ATMIN: variants seen among roughly 807,000 people sequenced by gnomAD.
ATMIN encodes ATM INteracting protein.
ATMIN carries 24 observed loss-of-function variants against 49.2 expected under a neutral mutation model. That is an observed-to-expected ratio of 0.49 (90% CI 0.35 to 0.69). ATMIN has a LOEUF of 0.69. Among genes scored for constraint, ATMIN ranks in the 30% least tolerant of loss-of-function variants. The probability of loss-of-function intolerance (pLI) is 0.00; values close to 1 mark genes in which losing one functional copy is unlikely to be tolerated. For missense variants in ATMIN, 1,037 were observed against 1,005.5 expected (o/e 1.03, Z -0.42); for synonymous variants, 450 against 392.5 (o/e 1.15, Z -1.73).
At chr16:81,036,286 C>G in intron 1 of ATMIN, 80 bp downstream of exon 1, 2 of 1,104,600 alleles carry the variant, frequency 1.8e-6, no homozygotes, top group South Asian at 4.1e-5. Flanking sequence ...CGAAGCCGGC[C>G]TCGGGGGGAC....
Position 81,044,345 on chromosome 16 carries a change from C to G in ATMIN, c.1847C>G (p.Thr616Arg). The change falls in exon 4 of 4, where the codon ACA (threonine) becomes AGA (arginine). Residue 616 changes from threonine to arginine, a missense_variant. By Grantham distance (71) the Thr-to-Arg change is moderately conservative. Coordinates refer to ENST00000299575, the MANE Select transcript of ATMIN (RefSeq NM_015251.3). Reference sequence around the variant, plus strand: ...GATCATCGTAGTCTTTTGTCTGACACAAATCCTGGACCTGACACCCAGCTC... The same window carrying G: ...GATCATCGTAGTCTTTTGTCTGACAGAAATCCTGGACCTGACACCCAGCTC... ...TLDHRSLLSD[T>R]NPGPDTQLPS... 6.2e-7 allele frequency: 1 copy of G among 1,614,190 alleles called. No homozygotes were observed. The highest frequency in any genetic ancestry group is 8.5e-7 in the Non-Finnish European group (1 of 1,180,016).
chr16:81,041,575 C>G, intron 2 of ATMIN, 94 bp downstream of exon 2: 2 of 1,479,100 alleles, frequency 1.4e-6, no homozygotes, highest in Non-Finnish European at 1.8e-6. Flanking sequence ...GAGTAGACAG[C>G]TGCTTGTGAG....
intron 1 of ATMIN, among the ~76,000 whole-genome samples, chr16:81,038,532 C>T (rs983942774): frequency 1.2e-4 from 19 of 152,272 alleles, no homozygotes; most frequent in African/African-American, 4.3e-4. Flanking sequence ...TTTCTAACCG[C>T]AGTGCCCAGT....
chr16:81,035,857 G>C lies in ATMIN; in HGVS notation c.-14G>C, dbSNP rs1266061743. On this transcript the variant is annotated 5_prime_UTR_variant, in exon 1 of 4. Coordinates refer to ENST00000299575, the MANE Select transcript of ATMIN (RefSeq NM_015251.3). ...CGGGGCCTACGAACTGGGCCGGGCG[G>C]CCGTGCGGGAGCCATGGCGGCCTCG... 1 of 837,132 alleles carries C rather than the reference G, an allele frequency of 1.2e-6. No homozygotes were observed. The highest frequency in any genetic ancestry group is 1.9e-5 in the African/African-American group (1 of 53,926). 51.9% of individuals were successfully genotyped at this position (837,132 alleles called of 1,614,324 possible).
At chr16:81,040,819 G>A (rs1971024920) in intron 1 of ATMIN, 2 of 155,742 alleles carry the variant, frequency 1.3e-5, no homozygotes, top group Non-Finnish European at 2.9e-5. Context: ...GAGTGAAAAA[G>A]AGACTGAAGG....
At position 81,043,985 on chromosome 16, in the gene ATMIN, G is replaced by A. The variant is rs1971078540; in HGVS notation, c.1487G>A (p.Ser496Asn). 1.9e-6 allele frequency: 3 copies of A among 1,614,216 alleles called. No individual in the cohort carries two copies. The highest frequency in any genetic ancestry group is 2.5e-6 in the Non-Finnish European group (3 of 1,180,040). The change falls in exon 4 of 4, where the codon AGT becomes AAT. Residue 496 changes from serine (S) to asparagine (N), a missense_variant. Physicochemically the swap from Ser to Asn is conservative, Grantham distance 46 (BLOSUM62 1). Transcript: ENST00000299575. Reference protein sequence around the residue: ...SGGVSRETQTSGIESPTDDHV... With the variant: ...SGGVSRETQTNGIESPTDDHV... ...GGGGTCTCCAGAGAAACTCAAACCAGTGGGATAGAAAGTCCAACGGATGAC... is the reference window on the plus strand; with the variant it reads ...GGGGTCTCCAGAGAAACTCAAACCAATGGGATAGAAAGTCCAACGGATGAC...
In ATMIN at chr16:81,042,430, A is replaced by C; in HGVS notation, c.612A>C (p.Ala204=). The change falls in exon 3 of 4, where the codon GCA becomes GCC. Residue 204 remains alanine, a synonymous_variant. Coordinates refer to ENST00000299575, the MANE Select transcript of ATMIN (RefSeq NM_015251.3). The part of the protein sequence containing the change: ...TCGCPYASRT[A]LQSHIYRTGH... Reference sequence around the variant, plus strand: ...GCTGTCCCTACGCCAGTAGAACAGCACTGCAGTCTCACATCTACCGAACTG... The same window carrying C: ...GCTGTCCCTACGCCAGTAGAACAGCCCTGCAGTCTCACATCTACCGAACTG... 1 of 1,614,230 alleles carries C rather than the reference A, an allele frequency of 6.2e-7. No homozygotes were observed. Among genetic ancestry groups the C allele is most frequent in the Non-Finnish European group, 8.5e-7 (1 of 1,180,042 alleles).
Position 81,045,152 on chromosome 16 carries a change from T to A in ATMIN, c.*182T>A. On this transcript the variant is annotated 3_prime_UTR_variant, in exon 4 of 4. Coordinates refer to ENST00000299575, the MANE Select transcript of ATMIN (RefSeq NM_015251.3). ...AATTTGCGTATAAATGTGAGTGTAT[T>A]ATAAAGTTTGAGATGTTGATCTAAA... 2 of 785,980 alleles carry A rather than the reference T, an allele frequency of 2.5e-6. No individual in the cohort carries two copies. Among genetic ancestry groups the A allele is most frequent in the Non-Finnish European group, 3.8e-6 (2 of 526,370 alleles). The allele number at this position is 785,980 out of a possible 1,614,324, so 48.7% of individuals were successfully genotyped here. A position where few individuals can be genotyped will look rare whatever the true frequency, so the allele number is the denominator to read the frequency against.
At chr16:81,043,095 A>G in intron 3 of ATMIN, 66 bp from the exon 4 acceptor site, 1 of 1,521,248 alleles carries the variant, frequency 6.6e-7, no homozygotes, top group Non-Finnish European at 8.8e-7. Context: ...GTAAGTGAGG[A>G]TAGAGTGTCA....
chr16:81,041,182 C>A, intron 1 of ATMIN, 174 bp from the exon 2 acceptor site: 2 of 604,922 alleles, frequency 3.3e-6, no homozygotes, highest in Admixed American at 3.4e-5. Flanking sequence ...GTATTCTCAC[C>A]ACATTTCGTT....
chr16:81,042,323 A>G lies in ATMIN; in HGVS notation c.505A>G (p.Lys169Glu). 1 of 1,614,058 alleles carries G rather than the reference A, an allele frequency of 6.2e-7. No individual in the cohort carries two copies. Among genetic ancestry groups the G allele is most frequent in the South Asian group, 1.1e-5 (1 of 91,076 alleles). ...TGCTGAGAAGAAGCACAAATGTAGT[A>G]AGTGCAGCAATTCGTACGGTACAGA... Reference protein sequence around the residue: ...MHAEKKHKCSKCSNSYGTEWD... With the variant: ...MHAEKKHKCSECSNSYGTEWD... Residue 169 changes from lysine to glutamate, a missense_variant, in exon 3 of 4, where the codon AAG becomes GAG. Physicochemically the swap from Lys to Glu is moderately conservative, Grantham distance 56. Coordinates refer to ENST00000299575, the MANE Select transcript of ATMIN (RefSeq NM_015251.3).
At position 81,044,573 on chromosome 16, in the gene ATMIN, C is replaced by G. The variant is rs1313188296; in HGVS notation, c.2075C>G (p.Ser692Cys). The change falls in exon 4 of 4, where the codon TCT becomes TGT. Residue 692 changes from serine to cysteine, a missense_variant. By Grantham distance (112) the Ser-to-Cys change is moderately radical (BLOSUM62 -1). Coordinates refer to ENST00000299575, the MANE Select transcript of ATMIN (RefSeq NM_015251.3). ...SAQSYGCRGN[S>C]NFLGLEMFDT... Reference sequence around the variant, plus strand: ...CAGTCCTATGGGTGTAGGGGAAATTCTAACTTCTTAGGCCTTGAGATGTTT... The same window carrying G: ...CAGTCCTATGGGTGTAGGGGAAATTGTAACTTCTTAGGCCTTGAGATGTTT... 2 of 1,614,002 alleles carry G rather than the reference C, an allele frequency of 1.2e-6. No homozygotes were observed. Among genetic ancestry groups the G allele is most frequent in the Admixed American group, 1.7e-5 (1 of 59,998 alleles).
In ATMIN at chr16:81,045,038, G is replaced by A. The variant is rs1374107710; in HGVS notation, c.*68G>A. On this transcript the variant is annotated 3_prime_UTR_variant, in exon 4 of 4. Transcript: ENST00000299575. Reference sequence around the variant, plus strand: ...CCTCTGGATTAAAACTACGGACTGGGGACAACAGTATTAATTCGATTGAAT... The same window carrying A: ...CCTCTGGATTAAAACTACGGACTGGAGACAACAGTATTAATTCGATTGAAT... The A allele has an allele frequency of 6.5e-7, 1 of 1,534,460 alleles. No individual in the cohort carries two copies. Among genetic ancestry groups the A allele is most frequent in the South Asian group, 1.3e-5 (1 of 78,476 alleles).
At chr16:81,042,577 A>T in intron 3 of ATMIN, 97 bp downstream of exon 3, 1 of 1,245,980 alleles carries the variant, frequency 8.0e-7, no homozygotes, top group South Asian at 1.4e-5. Flanking sequence ...AGGAAAAAGG[A>T]ATCTTAGAAA....
chr16:81,037,682 C>T (rs1970967160), intron 1 of ATMIN, among the ~76,000 whole-genome samples: 1 of 152,204 alleles, frequency 6.6e-6, no homozygotes, highest in Non-Finnish European at 1.5e-5. Context: ...ATCACCCAGG[C>T]TGGAGCGCAG....
rs1294168512 is a variant in ATMIN, at chr16:81,036,085, C to G, written c.215C>G (p.Ser72Trp). 1 of 1,348,030 alleles carries G rather than the reference C, an allele frequency of 7.4e-7. No individual in the cohort carries two copies. The highest frequency in any genetic ancestry group is 1.9e-5 in the South Asian group (1 of 53,338). The allele number at this position is 1,348,030 out of a possible 1,614,324, so 83.5% of individuals were successfully genotyped here. The change falls in exon 1 of 4, where the codon TCG becomes TGG. Residue 72 changes from serine to tryptophan, a missense_variant. Physicochemically the swap from Ser to Trp is radical, Grantham distance 177. Transcript: ENST00000299575. ...CCGGCGGGGGAGCTGATCCAGCCGTCGGTGAGCGAGCTGTCCCGGGCCGTG... is the reference window on the plus strand; with the variant it reads ...CCGGCGGGGGAGCTGATCCAGCCGTGGGTGAGCGAGCTGTCCCGGGCCGTG... ...APPAGELIQP[S>W]VSELSRAVRT... is the part of the protein sequence containing the mutation.
rs773228032 is a variant in ATMIN, at chr16:81,043,778, C to A, written c.1280C>A (p.Ser427Tyr). The A allele has an allele frequency of 2.5e-6, 4 of 1,614,262 alleles. No homozygotes were observed. The highest frequency in any genetic ancestry group is 3.4e-6 in the Non-Finnish European group (4 of 1,180,054). ...TATGCCTCACAAAACTTTATACCTTCTGCACAGTGGGCCACTGCTGATTCC... is the reference window on the plus strand; with the variant it reads ...TATGCCTCACAAAACTTTATACCTTATGCACAGTGGGCCACTGCTGATTCC... ...LSYASQNFIP[S>Y]AQWATADSSV... Residue 427 changes from serine to tyrosine, a missense_variant, in exon 4 of 4, where the codon TCT becomes TAT. Coordinates refer to ENST00000299575, the MANE Select transcript of ATMIN (RefSeq NM_015251.3).
rs1203818685 is a variant in ATMIN at position 81,046,179 on chromosome 16, C to T, written c.*1209C>T. On this transcript the variant is annotated 3_prime_UTR_variant, in exon 4 of 4. Coordinates refer to ENST00000299575, the MANE Select transcript of ATMIN (RefSeq NM_015251.3). Reference sequence around the variant, plus strand: ...GGAGCTGTTTCCCCAAGTGCATCCACAAGCTGGATCTGAGTTTTGTCACTC... The same window carrying T: ...GGAGCTGTTTCCCCAAGTGCATCCATAAGCTGGATCTGAGTTTTGTCACTC... 6.6e-6 allele frequency: 1 copy of T among 152,208 alleles called. No individual in the cohort carries two copies. Among genetic ancestry groups the T allele is most frequent in the African/African-American group, 2.4e-5 (1 of 41,516 alleles). The allele number at this position is 152,208 out of a possible 1,614,324, so 9.4% of individuals were successfully genotyped here.
In ATMIN at chr16:81,036,045, G is replaced by C. The variant is rs775610943; in HGVS notation, c.175G>C (p.Ala59Pro). The C allele has an allele frequency of 2.4e-6, 3 of 1,228,746 alleles. No individual in the cohort carries two copies. Among genetic ancestry groups the C allele is most frequent in the Non-Finnish European group, 3.1e-6 (3 of 978,676 alleles). The allele number at this position is 1,228,746 out of a possible 1,614,324, so 76.1% of individuals were successfully genotyped here. Residue 59 changes from alanine (A) to proline (P), a missense_variant, in exon 1 of 4, where the codon GCT becomes CCT. By Grantham distance (27) the Ala-to-Pro change is conservative (BLOSUM62 -1). Transcript: ENST00000299575. The stretch of plus-strand genomic sequence containing the variant: ...GCCCGCGGGGGCGACGCAGCAGCCC[G>C]CTGTCCCCGCGCCGCCGGCGGGGGA... Reference protein sequence around the residue: ...PRPAGATQQPAVPAPPAGELI... With the variant: ...PRPAGATQQPPVPAPPAGELI...
Sources: allele counts gnomAD v4.1 joint callset (sites outside exome capture counted in the v4.1 genomes callset), GRCh38; gene constraint gnomAD v4.1.1; transcripts MANE v1.5; gene names NCBI Gene and HGNC (gene_info 2026-07-23, HGNC 2026-07-21).